PEAK1: variants seen among roughly 807,000 people sequenced by gnomAD.
The protein encoded by PEAK1 is pseudopodium enriched atypical kinase 1.
Under a neutral mutation model 124.7 loss-of-function variants are expected in PEAK1, and 54 were observed. That is an observed-to-expected ratio of 0.43 (90% confidence interval 0.35 to 0.54). The LOEUF (loss-of-function observed/expected upper bound fraction) is 0.54. PEAK1 is among the 20% of genes least tolerant of loss of function. The pLI is 0.01. For synonymous variants in PEAK1, 719 were observed against 760.0 expected (o/e 0.95, Z 0.89); for missense variants, 2,046 against 2,134.5 (o/e 0.96, Z 0.82).
At chr15:77,207,520 G>T (rs1324720750) in intron 6 of PEAK1, among the ~76,000 whole-genome samples, 2 of 152,128 alleles carry the variant, frequency 1.3e-5, no homozygotes, top group Non-Finnish European at 2.9e-5. Context: ...AAAAGACAAA[G>T]ACATAGAAGA....
chr15:77,259,737 C>T (rs2061343085), intron 5 of PEAK1, among the ~76,000 whole-genome samples: 1 of 152,056 alleles, frequency 6.6e-6, no homozygotes, highest in African/African-American at 2.4e-5. Flanking sequence ...TATTATGATC[C>T]CTAAGAAAAC....
intron 6 of PEAK1, among the ~76,000 whole-genome samples, chr15:77,217,288 GC>G (rs1277214920): frequency 6.7e-6 from 1 of 148,840 alleles, no homozygotes; most frequent in Non-Finnish European, 1.5e-5. Context: ...TGAAGCAATA[GC>G]TACCAAGATG....
chr15:77,340,954 CTT>C (rs530345918), intron 2 of PEAK1, among the ~76,000 whole-genome samples: 59 of 142,886 alleles, frequency 4.1e-4, no homozygotes, highest in Non-Finnish European at 4.2e-4. Context: ...ACAATTATAG[CTT>C]TTTTTTTTTT....
intron 2 of PEAK1, chr15:77,333,641 A>G (rs2066022540): frequency 1.0e-6 from 1 of 970,736 alleles, no homozygotes; most frequent in Non-Finnish European, 1.2e-6. Context: ...CTCTAGTTTT[A>G]TATTCTTGTG....
intron 8 of PEAK1, among the ~76,000 whole-genome samples, chr15:77,138,599 T>C (rs763881139): frequency 3.9e-5 from 6 of 152,144 alleles, no homozygotes; most frequent in Non-Finnish European, 7.4e-5. Flanking sequence ...CACGGTGGCT[T>C]ATGCCTATAA....
At position 77,171,125 on chromosome 15, in the gene PEAK1, G is replaced by A. The variant is rs78339038; in HGVS notation, c.3137+7665C>T. Among the ~76,000 whole-genome samples the A allele has an allele frequency of 9.4e-3, 1,434 of 151,938 alleles. 18 individuals carry two copies. Among genetic ancestry groups the A allele is most frequent in the South Asian group, 0.065 (311 of 4,814 alleles). On this transcript the variant is annotated intron_variant, in intron 7 of 9. Transcript: ENST00000682557. ...ATTAAAAAAATCATGCTACTTTCCC[G>A]CTTAAAAACTGTTTCCTCTACAAAA... is the stretch of plus-strand genomic sequence containing the variant.
intron 1 of PEAK1, among the ~76,000 whole-genome samples, chr15:77,384,956 T>C (rs1205524526): frequency 6.6e-6 from 1 of 152,220 alleles, no homozygotes; most frequent in Non-Finnish European, 1.5e-5. Flanking sequence ...CCCTCACCAC[T>C]GTCTTCACTG....
intron 2 of PEAK1, chr15:77,333,348 ACCAACATGCTAT>A: frequency 2.0e-6 from 2 of 983,352 alleles, no homozygotes; most frequent in Non-Finnish European, 2.4e-6. Flanking sequence ...TCTATATACA[ACCAACATGCTAT>A]CAAGTTAGAA....
chr15:77,315,333 G>A (rs921000643), intron 2 of PEAK1, among the ~76,000 whole-genome samples: 60 of 152,170 alleles, frequency 3.9e-4, no homozygotes, highest in Non-Finnish European at 3.7e-4. Context: ...TGATGTCTAC[G>A]ATAGATAATA....
chr15:77,275,517 A>C (rs1296798906), intron 5 of PEAK1, among the ~76,000 whole-genome samples: 1 of 152,024 alleles, frequency 6.6e-6, no homozygotes, highest in African/African-American at 2.4e-5. Flanking sequence ...GGAGATTGAG[A>C]CCATCCTGGC....
intron 5 of PEAK1, among the ~76,000 whole-genome samples, chr15:77,267,377 C>T (rs1264999509): frequency 1.3e-5 from 2 of 152,104 alleles, no homozygotes; most frequent in Non-Finnish European, 2.9e-5. Flanking sequence ...CTCTTGAAAG[C>T]ACCACCTCCT....
At chr15:77,244,928 G>A (rs1253792875) in intron 6 of PEAK1, among the ~76,000 whole-genome samples, 1 of 152,130 alleles carries the variant, frequency 6.6e-6, no homozygotes, top group Non-Finnish European at 1.5e-5. Flanking sequence ...GAATTGTAAG[G>A]TGCTGAATAA....
At chr15:77,137,488 C>T (rs2053431572) in intron 8 of PEAK1, among the ~76,000 whole-genome samples, 1 of 152,188 alleles carries the variant, frequency 6.6e-6, no homozygotes, top group Non-Finnish European at 1.5e-5. Context: ...CATCATGACC[C>T]GGATGCAAGA....
At chr15:77,359,119 CTGAA>C (rs2067716726) in intron 2 of PEAK1, among the ~76,000 whole-genome samples, 1 of 152,064 alleles carries the variant, frequency 6.6e-6, no homozygotes, top group Non-Finnish European at 1.5e-5. Flanking sequence ...TCCTGAAAGA[CTGAA>C]TGTTTTCACC....
At chr15:77,275,170 A>G (rs2062244470) in intron 5 of PEAK1, among the ~76,000 whole-genome samples, 1 of 152,148 alleles carries the variant, frequency 6.6e-6, no homozygotes, top group East Asian at 1.9e-4. Context: ...TGGAGGAATG[A>G]TAAGAGGGAG....
intron 6 of PEAK1, among the ~76,000 whole-genome samples, chr15:77,220,929 C>T (rs558673053): frequency 2.3e-4 from 35 of 151,976 alleles, no homozygotes; most frequent in South Asian, 2.1e-3. Flanking sequence ...ACAGACAATC[C>T]TAGTTTTGCT....
intron 2 of PEAK1, among the ~76,000 whole-genome samples, chr15:77,359,903 T>A (rs149855234): frequency 0.032 from 4,873 of 152,308 alleles, 118 homozygotes; most frequent in Non-Finnish European, 0.048. Flanking sequence ...TAGCTGGATT[T>A]TTTTGTAAAA....
downstream of PEAK1, chr15:77,104,252 C>A: frequency 6.6e-6 from 1 of 152,548 alleles, no homozygotes; most frequent in Non-Finnish European, 1.5e-5. Flanking sequence ...TGGACCAGGG[C>A]CTGGCCCAGT....
At chr15:77,266,154 A>G (rs1189749811) in intron 5 of PEAK1, among the ~76,000 whole-genome samples, 3 of 152,198 alleles carry the variant, frequency 2.0e-5, no homozygotes, top group South Asian at 2.1e-4. Context: ...CTAACGCTAG[A>G]TGACAAGTTA....
Sources: gnomAD v4.1 joint callset for allele counts (sites outside exome capture counted in the v4.1 genomes callset) on GRCh38, gnomAD v4.1.1 for gene constraint, MANE v1.5 for transcripts, NCBI Gene and HGNC (gene_info 2026-07-23, HGNC 2026-07-21) for gene names.